RERE: variants seen among roughly 807,000 people sequenced by gnomAD.
RERE encodes arginine-glutamic acid dipeptide repeats protein.
In RERE, 40 loss-of-function variants were observed where a neutral mutation model predicts 146.1. The observed-to-expected ratio is 0.27, with a 90% confidence interval of 0.21 to 0.36. The LOEUF is 0.36. Among genes scored for constraint, RERE ranks in the 10% least tolerant of loss-of-function variants. The pLI is 1.00. For synonymous variants in RERE, 1,003 were observed against 866.0 expected (o/e 1.16, Z -2.78); for missense variants, 1,933 against 2,138.7 (o/e 0.90, Z 1.90).
chr1:8,382,244 G>A (rs1050094451), intron 12 of RERE, among the ~76,000 whole-genome samples: 2 of 152,246 alleles, frequency 1.3e-5, no homozygotes, highest in African/African-American at 4.8e-5. Flanking sequence ...GCTGAGCTGT[G>A]GCCTGAAGCA....
chr1:8,598,476 A>G (rs576976720), intron 4 of RERE, among the ~76,000 whole-genome samples: 2 of 152,138 alleles, frequency 1.3e-5, no homozygotes, highest in Non-Finnish European at 2.9e-5. Context: ...GGTTCTCTCC[A>G]ATGACTCTCA....
chr1:8,471,517 C>CT (rs35144697), intron 10 of RERE, among the ~76,000 whole-genome samples: 25,838 of 132,254 alleles, frequency 0.2, 2,741 homozygotes, highest in African/African-American at 0.26. Flanking sequence ...CCCGGGGTTG[C>CT]TTTTTTTTTT....
chr1:8,806,439 C>G (rs559658641), intron 1 of RERE, among the ~76,000 whole-genome samples: 1 of 152,002 alleles, frequency 6.6e-6, no homozygotes, highest in Non-Finnish European at 1.5e-5. Flanking sequence ...GCTGAGACAG[C>G]AGAATTGCTT....
intron 11 of RERE, among the ~76,000 whole-genome samples, chr1:8,454,519 A>C (rs1412425895): frequency 6.6e-6 from 1 of 152,064 alleles, no homozygotes; most frequent in Non-Finnish European, 1.5e-5. Context: ...AAAAAAACTT[A>C]AGACTTGCTG....
At chr1:8,480,743 G>A (rs376826081) in intron 10 of RERE, among the ~76,000 whole-genome samples, 1 of 152,108 alleles carries the variant, frequency 6.6e-6, no homozygotes, top group South Asian at 2.1e-4. Flanking sequence ...GCCTAAGCCT[G>A]TTTTTAAATG....
chr1:8,411,380 T>C (rs1389424602), intron 12 of RERE, among the ~76,000 whole-genome samples: 2 of 150,854 alleles, frequency 1.3e-5, no homozygotes, highest in Non-Finnish European at 3.0e-5. Flanking sequence ...ACTAAAGATA[T>C]CCTCCTGCCT....
chr1:8,436,082 A>C (rs1644166451), intron 11 of RERE, among the ~76,000 whole-genome samples: 1 of 152,236 alleles, frequency 6.6e-6, no homozygotes, highest in Admixed American at 6.5e-5. Flanking sequence ...GCACTTTGGG[A>C]GGCTGAGGCA....
intron 10 of RERE, among the ~76,000 whole-genome samples, chr1:8,483,871 A>C (rs1644865986): frequency 6.6e-6 from 1 of 152,224 alleles, no homozygotes; most frequent in South Asian, 2.1e-4. Context: ...CCCGTATCTC[A>C]GGGAATAAAA....
intron 10 of RERE, among the ~76,000 whole-genome samples, chr1:8,480,434 G>A (rs1043897792): frequency 6.2e-5 from 9 of 145,464 alleles, no homozygotes; most frequent in Non-Finnish European, 1.2e-4. Flanking sequence ...CACCAGGCCC[G>A]GAAATTTTTT....
chr1:8,463,492 C>T (rs1644552417), intron 11 of RERE, among the ~76,000 whole-genome samples: 1 of 152,186 alleles, frequency 6.6e-6, no homozygotes, highest in Non-Finnish European at 1.5e-5. Flanking sequence ...AATCCTCAAG[C>T]AGCAGCAATG....
intron 6 of RERE, among the ~76,000 whole-genome samples, chr1:8,542,431 G>A (rs1263240518): frequency 6.6e-6 from 1 of 152,126 alleles, no homozygotes; most frequent in Non-Finnish European, 1.5e-5. Flanking sequence ...AGAGAAGCTG[G>A]CTGAGGGGTT....
At chr1:8,530,687 T>TC in intron 7 of RERE, among the ~76,000 whole-genome samples, 1 of 136,782 alleles carries the variant, frequency 7.3e-6, no homozygotes, top group Non-Finnish European at 1.6e-5. Flanking sequence ...TTCTTTTTTT[T>TC]TTTTTTTTTT....
intron 4 of RERE, among the ~76,000 whole-genome samples, chr1:8,602,806 G>A (rs958190201): frequency 6.6e-6 from 1 of 151,654 alleles, no homozygotes; most frequent in African/African-American, 2.4e-5. Flanking sequence ...TTAATTTATT[G>A]GTTTAAAAGA....
intron 7 of RERE, among the ~76,000 whole-genome samples, chr1:8,509,938 T>C (rs968000849): frequency 1.2e-4 from 19 of 152,250 alleles, no homozygotes; most frequent in Non-Finnish European, 1.0e-4. Flanking sequence ...TCGTTTCCTT[T>C]AGGGCACCTG....
At chr1:8,606,156 A>G (rs555694196) in intron 4 of RERE, among the ~76,000 whole-genome samples, 1 of 152,310 alleles carries the variant, frequency 6.6e-6, no homozygotes, top group South Asian at 2.1e-4. Context: ...GCTAGTATCC[A>G]ACTATTTTCC....
intron 4 of RERE, among the ~76,000 whole-genome samples, chr1:8,570,704 C>G (rs1646211731): frequency 6.6e-6 from 1 of 152,120 alleles, no homozygotes. Flanking sequence ...ACCCCTGGAC[C>G]ATAGTTAAGA....
chr1:8,508,590 A>C (rs184406646), intron 8 of RERE, 37 bp downstream of exon 8: 1 of 1,519,886 alleles, frequency 6.6e-7, no homozygotes, highest in African/African-American at 1.4e-5. Flanking sequence ...AATAAGAAAC[A>C]AAAACCTATT....
intron 11 of RERE, among the ~76,000 whole-genome samples, chr1:8,441,829 C>T (rs1030395642): frequency 1.1e-4 from 16 of 151,770 alleles, no homozygotes; most frequent in African/African-American, 2.7e-4. Flanking sequence ...TACATTATTT[C>T]GTTGTTTTCA....
intron 6 of RERE, 128 bp from the exon 7 acceptor site, chr1:8,541,446 C>CACTTTAT (rs1422520164): frequency 1.7e-6 from 1 of 584,550 alleles, no homozygotes; most frequent in Non-Finnish European, 3.0e-6. Flanking sequence ...ACAAACACCA[C>CACTTTAT]ACTTTATTTC....
Sources: gnomAD v4.1 joint callset for allele counts (sites outside exome capture counted in the v4.1 genomes callset) on GRCh38, gnomAD v4.1.1 for gene constraint, MANE v1.5 for transcripts, NCBI Gene and HGNC (gene_info 2026-07-23, HGNC 2026-07-21) for gene names.